Variants in PHLPP2 observed in about 807,000 individuals in gnomAD.
PHLPP2 encodes PH domain and leucine rich repeat protein phosphatase 2, also known as PH domain leucine-rich repeat-containing protein phosphatase 2.
Under a neutral mutation model 124.9 loss-of-function variants are expected in PHLPP2, and 66 were observed. The ratio of observed to expected loss-of-function variants is 0.53; its 90% CI spans 0.43 to 0.65. The LOEUF (loss-of-function observed/expected upper bound fraction) is 0.65. PHLPP2 is among the 30% of genes least tolerant of loss of function. The probability of loss-of-function intolerance (pLI) is 0.00; values close to 1 mark genes in which losing one functional copy is unlikely to be tolerated. For missense variants in PHLPP2, 1,685 were observed against 1,600.4 expected, an observed-to-expected ratio of 1.05 and a Z score of -0.90; for synonymous variants, 681 against 624.7, an observed-to-expected ratio of 1.09 and a Z score of -1.34.
chr16:71,707,434 A>T (rs144286006), intron 2 of PHLPP2, among the ~76,000 whole-genome samples: 28 of 152,248 alleles, frequency 1.8e-4, no homozygotes, highest in Middle Eastern at 3.4e-3. Flanking sequence ...AAGACTCAGG[A>T]CAGCGGCTGG....
At position 71,649,465 on chromosome 16, in the gene PHLPP2, G is replaced by A. The variant is rs1567610383; in HGVS notation, c.3397C>T (p.Pro1133Ser). 2 of 1,614,118 alleles carry A rather than the reference G, an allele frequency of 1.2e-6. No individual in the cohort carries two copies. Among genetic ancestry groups the A allele is most frequent in the Non-Finnish European group, 1.7e-6 (2 of 1,179,998 alleles). ...TPTSGLFQRQ[P>S]SSATFSSNQS... ...TTACTGGAGAAGGTAGCAGAAGAAGGCTGGCGCTGAAACAGCCCAGAGGTG... is the reference window on the plus strand; with the variant it reads ...TTACTGGAGAAGGTAGCAGAAGAAGACTGGCGCTGAAACAGCCCAGAGGTG... The change falls in exon 19 of 19, where the codon CCT becomes TCT. Residue 1133 changes from proline (P) to serine (S), a missense_variant. Pro to Ser is a moderately conservative substitution (Grantham distance 74). Transcript: ENST00000568954.
intron 1 of PHLPP2, among the ~76,000 whole-genome samples, chr16:71,719,946 C>T (rs1244396617): frequency 2.2e-5 from 3 of 136,294 alleles, no homozygotes; most frequent in Non-Finnish European, 4.6e-5. Context: ...TACAGGTGCA[C>T]AACACCATGC....
chr16:71,708,501 C>T (rs1291007825), intron 2 of PHLPP2, among the ~76,000 whole-genome samples: 4 of 152,228 alleles, frequency 2.6e-5, no homozygotes, highest in African/African-American at 7.2e-5. Flanking sequence ...AGCCCGCCTG[C>T]ACCCATGTGA....
chr16:71,650,461 T>C (rs1461622962), intron 18 of PHLPP2, among the ~76,000 whole-genome samples: 1 of 152,220 alleles, frequency 6.6e-6, no homozygotes, highest in Non-Finnish European at 1.5e-5. Flanking sequence ...CAGCTGGGAC[T>C]GAAAAGATAC....
Position 71,723,724 on chromosome 16 carries a change from C to T in PHLPP2, c.-7+605G>A, listed in dbSNP as rs1316396411. ...CCTCGTTCCCTCCCTAGTCCGCTTGCCCGCTCGCCCGCTCGCTCGCTCGCT... is the reference window on the plus strand; with the variant it reads ...CCTCGTTCCCTCCCTAGTCCGCTTGTCCGCTCGCCCGCTCGCTCGCTCGCT... On this transcript the variant is annotated intron_variant, in intron 1 of 18. Transcript: ENST00000568954. The T allele has an allele frequency of 5.2e-6, 5 of 967,218 alleles. No homozygotes were observed. The Admixed American group carries it at 8.5e-5, about 16-fold the overall frequency. The allele number at this position is 967,218 out of a possible 1,614,324, so 59.9% of individuals were successfully genotyped here. A position where few individuals can be genotyped will look rare whatever the true frequency, so the allele number is the denominator to read the frequency against.
At chr16:71,723,746 C>G (rs1486320789) in intron 1 of PHLPP2, 50 of 1,203,004 alleles carry the variant, frequency 4.2e-5, no homozygotes, top group Non-Finnish European at 5.4e-5. Context: ...CTCGCTCGCT[C>G]GCTGGTCCAT....
intron 17 of PHLPP2, among the ~76,000 whole-genome samples, chr16:71,654,618 G>A (rs2044726741): frequency 2.0e-5 from 3 of 152,130 alleles, no homozygotes; most frequent in Admixed American, 2.0e-4. Flanking sequence ...AGCTAATGGG[G>A]TAAGCGTTCT....
At position 71,656,793 on chromosome 16, in the gene PHLPP2, C is replaced by G. The variant is rs527471538; in HGVS notation, c.2280-112G>C. ...GAGATGGAGTCTCCCTCTTGTCACC[C>G]AGGCTGGAGTGCAGTGGTGTGACCT... On this transcript the variant is annotated intron_variant, in intron 15 of 18. Transcript: ENST00000568954. 1.2e-4 allele frequency: 76 copies of G among 622,832 alleles called. 1 individual carries two copies. The highest frequency in any genetic ancestry group is 3.0e-4 in the Admixed American group (12 of 40,298). 38.6% of individuals were successfully genotyped at this position (622,832 alleles called of 1,614,324 possible). A position where few individuals can be genotyped will look rare whatever the true frequency, so the allele number is the denominator to read the frequency against.
At chr16:71,699,069 C>G (rs2045202465) in intron 3 of PHLPP2, among the ~76,000 whole-genome samples, 1 of 152,190 alleles carries the variant, frequency 6.6e-6, no homozygotes, top group Non-Finnish European at 1.5e-5. Flanking sequence ...TACTTCAACT[C>G]TTTCCTTCCG....
chr16:71,652,567 G>A (rs940453391), intron 18 of PHLPP2, among the ~76,000 whole-genome samples: 1 of 152,176 alleles, frequency 6.6e-6, no homozygotes, highest in African/African-American at 2.4e-5. Flanking sequence ...TCACAAATTA[G>A]GATTTTGTAT....
In PHLPP2 at chr16:71,656,900, C is replaced by T. The variant is rs1309794886; in HGVS notation, c.2280-219G>A. 1.3e-5 allele frequency among the ~76,000 whole-genome samples: 2 copies of T among 151,844 alleles called. 1 individual carries two copies. Among genetic ancestry groups the T allele is most frequent in the East Asian group, 3.9e-4 (2 of 5,186 alleles). On this transcript the variant is annotated intron_variant, in intron 15 of 18. Coordinates refer to ENST00000568954, the MANE Select transcript of PHLPP2 (RefSeq NM_015020.3). ...AAGCAGCTGAGATTACAGGTGTATG[C>T]CACCATGCCCGGCTAATTTTTGTAT...
intron 2 of PHLPP2, among the ~76,000 whole-genome samples, chr16:71,707,579 A>G (rs1426041880): frequency 6.6e-6 from 1 of 152,136 alleles, no homozygotes; most frequent in Non-Finnish European, 1.5e-5. Context: ...ATGCCTTCAT[A>G]ATGATTCCCC....
chr16:71,658,565 T>C, intron 14 of PHLPP2, 88 bp downstream of exon 14: 10 of 1,386,258 alleles, frequency 7.2e-6, no homozygotes, highest in African/African-American at 4.3e-5. Context: ...TTCACACTCC[T>C]TTCTTCTTCT....
At chr16:71,664,144 C>T in intron 12 of PHLPP2, 45 bp from the exon 13 acceptor site, 4 of 1,316,098 alleles carry the variant, frequency 3.0e-6, no homozygotes, top group Non-Finnish European at 4.4e-6. Flanking sequence ...AGTTTATTTG[C>T]TGCCTTCCTA....
At chr16:71,724,132 C>T (rs1307286120) in intron 1 of PHLPP2, 197 bp downstream of exon 1, 1 of 152,988 alleles carries the variant, frequency 6.5e-6, no homozygotes, top group Non-Finnish European at 1.5e-5. Context: ...CTCCACTGCC[C>T]GCCGCCCTAG....
chr16:71,719,959 A>G (rs2045387466), intron 1 of PHLPP2, among the ~76,000 whole-genome samples: 3 of 70,458 alleles, frequency 4.3e-5, no homozygotes, highest in African/African-American at 1.2e-4. Flanking sequence ...CACCATGCCC[A>G]GCTAATTTTT....
At chr16:71,707,239 G>C (rs2045282288) in intron 2 of PHLPP2, among the ~76,000 whole-genome samples, 1 of 152,056 alleles carries the variant, frequency 6.6e-6, no homozygotes, top group South Asian at 2.1e-4. Context: ...ACAGGAGTGA[G>C]CCACCGCGCC....
At chr16:71,709,097 AAATT>A (rs1348057240) in intron 2 of PHLPP2, among the ~76,000 whole-genome samples, 1 of 152,174 alleles carries the variant, frequency 6.6e-6, no homozygotes, top group South Asian at 2.1e-4. Flanking sequence ...AAAATAAAGA[AAATT>A]ATTTACCTAT....
intron 8 of PHLPP2, chr16:71,676,908 A>G (rs2044951810): frequency 2.4e-6 from 1 of 409,292 alleles, no homozygotes. Flanking sequence ...CCACCATGCC[A>G]GGCTAATTTT....
Sources: allele counts gnomAD v4.1 joint callset (sites outside exome capture counted in the v4.1 genomes callset), GRCh38; gene constraint gnomAD v4.1.1; transcripts MANE v1.5; gene names NCBI Gene and HGNC (gene_info 2026-07-23, HGNC 2026-07-21).